GALNTL5: variants seen among roughly 807,000 people sequenced by gnomAD.
The protein encoded by GALNTL5 is inactive polypeptide N-acetylgalactosaminyltransferase-like protein 5.
Under a neutral mutation model 51.0 loss-of-function variants are expected in GALNTL5, and 44 were observed. That is an observed-to-expected ratio of 0.86 (90% CI 0.68 to 1.11). GALNTL5 has a LOEUF of 1.11. Ranked by LOEUF, GALNTL5 falls within the 50% of genes least tolerant of loss-of-function variation. The probability of loss-of-function intolerance (pLI) is 0.00; values close to 1 mark genes in which losing one functional copy is unlikely to be tolerated. For missense variants in GALNTL5, 528 were observed against 531.8 expected, an observed-to-expected ratio of 0.99 and a Z score of 0.07; for synonymous variants, 192 against 182.8, an observed-to-expected ratio of 1.05 and a Z score of -0.41.
intron 5 of GALNTL5, among the ~76,000 whole-genome samples, chr7:152,000,911 C>CTTTTTTTTTTTTTT (rs66497039): frequency 7.8e-6 from 1 of 128,816 alleles, no homozygotes; most frequent in Non-Finnish European, 1.7e-5. Flanking sequence ...TTTTTTCTTT[C>CTTTTTTTTTTTTTT]TTTTTTTTTT....
At chr7:151,964,316 T>C (rs957864266) in intron 1 of GALNTL5, among the ~76,000 whole-genome samples, 2 of 152,158 alleles carry the variant, frequency 1.3e-5, no homozygotes, top group Non-Finnish European at 2.9e-5. Flanking sequence ...GGGACACAGT[T>C]CCGTTCATTG....
At chr7:151,997,158 A>G (rs541465473) in intron 5 of GALNTL5, among the ~76,000 whole-genome samples, 1 of 152,344 alleles carries the variant, frequency 6.6e-6, no homozygotes, top group East Asian at 1.9e-4. Context: ...GGAATTGTTT[A>G]GAATATTTCC....
At chr7:151,962,190 A>G (rs2080999411) in intron 1 of GALNTL5, among the ~76,000 whole-genome samples, 1 of 151,712 alleles carries the variant, frequency 6.6e-6, no homozygotes, top group Non-Finnish European at 1.5e-5. Context: ...TTCAGTAGAG[A>G]CAGGGTTTTA....
chr7:151,966,970 T>A (rs1370809864), intron 1 of GALNTL5, among the ~76,000 whole-genome samples: 1 of 152,204 alleles, frequency 6.6e-6, no homozygotes, highest in Non-Finnish European at 1.5e-5. Context: ...TATGGGCCAA[T>A]GACTTGAAAT....
At chr7:152,011,464 G>A (rs1385090614) in intron 7 of GALNTL5, among the ~76,000 whole-genome samples, 1 of 152,222 alleles carries the variant, frequency 6.6e-6, no homozygotes, top group African/African-American at 2.4e-5. Flanking sequence ...CCCGACACCT[G>A]CAGTCCATCC....
Position 152,006,476 on chromosome 7 carries a change from C to T in GALNTL5, c.909-1351C>T, listed in dbSNP as rs75445433. Among the ~76,000 whole-genome samples, 1,004 of 152,292 alleles carry T rather than the reference C, an allele frequency of 6.6e-3. 13 individuals are homozygous for T. The highest frequency in any genetic ancestry group is 0.022 in the African/African-American group (914 of 41,548). On this transcript the variant is annotated intron_variant, in intron 6 of 8. Transcript: ENST00000392800. ...TAGGAATGTTCCTATCTGGTGCACTCGGCAATGTGTGTCACATCTGGTGCA... is the reference window on the plus strand; with the variant it reads ...TAGGAATGTTCCTATCTGGTGCACTTGGCAATGTGTGTCACATCTGGTGCA...
intron 2 of GALNTL5, 188 bp from the exon 3 acceptor site, chr7:151,970,757 A>G (rs2081124807): frequency 4.7e-6 from 2 of 423,034 alleles, no homozygotes; most frequent in Non-Finnish European, 8.7e-6. Context: ...GTATTCCTTT[A>G]TAGCAATGCA....
At chr7:151,998,330 T>TAA (rs34764187) in intron 5 of GALNTL5, among the ~76,000 whole-genome samples, 16 of 151,754 alleles carry the variant, frequency 1.1e-4, no homozygotes, top group African/African-American at 2.2e-4. Flanking sequence ...GAAAAGGTGC[T>TAA]AAAAAAAAGT....
At chr7:151,967,031 T>G (rs1211485619) in intron 1 of GALNTL5, among the ~76,000 whole-genome samples, 177 bp from the exon 2 acceptor site, 1 of 152,208 alleles carries the variant, frequency 6.6e-6, no homozygotes, top group Non-Finnish European at 1.5e-5. Flanking sequence ...TAAATAATCT[T>G]AGGAATATCA....
At chr7:151,995,638 G>A (rs1435081826) in intron 5 of GALNTL5, among the ~76,000 whole-genome samples, 1 of 150,764 alleles carries the variant, frequency 6.6e-6, no homozygotes, top group South Asian at 2.1e-4. Flanking sequence ...TAACATGGCT[G>A]TTACAATGAT....
At chr7:151,965,899 A>G (rs886558730) in intron 1 of GALNTL5, among the ~76,000 whole-genome samples, 1 of 151,966 alleles carries the variant, frequency 6.6e-6, no homozygotes, top group Non-Finnish European at 1.5e-5. Flanking sequence ...AAAAAAAGGG[A>G]TACAGTAGGA....
chr7:152,016,090 T>TA (rs2081809479), intron 8 of GALNTL5, among the ~76,000 whole-genome samples: 2 of 152,208 alleles, frequency 1.3e-5, no homozygotes, highest in South Asian at 4.2e-4. Context: ...CACCACCACT[T>TA]AGATTAGCAG....
intron 1 of GALNTL5, among the ~76,000 whole-genome samples, chr7:151,965,191 A>G (rs928652645): frequency 1.3e-5 from 2 of 152,216 alleles, no homozygotes; most frequent in Admixed American, 6.5e-5. Flanking sequence ...CCAAGCCCCA[A>G]GCTGCTCCAG....
chr7:152,006,785 G>A (rs891756183), intron 6 of GALNTL5, among the ~76,000 whole-genome samples: 80 of 151,870 alleles, frequency 5.3e-4, no homozygotes, highest in African/African-American at 1.8e-3. Context: ...TTTTTTTTGG[G>A]GGGGGCGGGA....
intron 7 of GALNTL5, 133 bp from the exon 8 acceptor site, chr7:152,014,511 G>A: frequency 1.3e-6 from 1 of 753,482 alleles, no homozygotes; most frequent in Non-Finnish European, 2.1e-6. Context: ...TAGGTGATCT[G>A]ACTGCCTTGG....
intron 7 of GALNTL5, among the ~76,000 whole-genome samples, chr7:152,010,789 T>A (rs982069195): frequency 1.3e-5 from 2 of 151,978 alleles, no homozygotes. Context: ...AAAATTATTT[T>A]TGATAAATGC....
intron 6 of GALNTL5, among the ~76,000 whole-genome samples, chr7:152,005,608 G>A (rs1214871977): frequency 2.6e-5 from 4 of 152,104 alleles, no homozygotes; most frequent in Non-Finnish European, 5.9e-5. Flanking sequence ...CTTATGAGAT[G>A]GATGGGCCAG....
At chr7:151,987,533 G>A (rs2081373159) in intron 5 of GALNTL5, among the ~76,000 whole-genome samples, 1 of 149,312 alleles carries the variant, frequency 6.7e-6, no homozygotes, top group South Asian at 2.1e-4. Flanking sequence ...CTCACAGGCT[G>A]AGTTCCCCAG....
At chr7:151,982,869 T>C (rs763146901) in intron 3 of GALNTL5, 117 bp from the exon 4 acceptor site, 2 of 1,587,026 alleles carry the variant, frequency 1.3e-6, no homozygotes, top group African/African-American at 2.7e-5. Flanking sequence ...ACCATAATTA[T>C]CAGTTGAAGG....
Sources: gnomAD v4.1 joint callset for allele counts (sites outside exome capture counted in the v4.1 genomes callset) on GRCh38, gnomAD v4.1.1 for gene constraint, MANE v1.5 for transcripts, NCBI Gene and HGNC (gene_info 2026-07-23, HGNC 2026-07-21) for gene names.